The following NBAS variants were observed in gnomAD, a reference collection of about 807,000 sequenced individuals.
NBAS encodes the protein NBAS subunit of NRZ tethering complex, also known as NAG/BC035112 fusion.
A neutral mutation model predicts 302.5 loss-of-function variants in NBAS; 219 were observed. That is an observed-to-expected ratio of 0.72 (90% CI 0.65 to 0.81). The LOEUF is 0.81. NBAS is among the 30% of genes least tolerant of loss of function. The pLI, the probability that NBAS is intolerant of heterozygous loss-of-function variation, is 0.00. For missense variants in NBAS, 2,932 were observed against 2,841.6 expected, an observed-to-expected ratio of 1.03 and a Z score of -0.72; for synonymous variants, 1,118 against 1,021.6, an observed-to-expected ratio of 1.09 and a Z score of -1.80.
the NBAS span, among the ~76,000 whole-genome samples, chr2:14,903,834 C>G: frequency 6.6e-6 from 1 of 151,860 alleles, no homozygotes; most frequent in Non-Finnish European, 1.5e-5. Context: ...GCCTGTCCCC[C>G]CCATCCCCCT....
At chr2:14,869,265 T>C in the NBAS span, among the ~76,000 whole-genome samples, 2 of 152,162 alleles carry the variant, frequency 1.3e-5, no homozygotes, top group Admixed American at 6.5e-5. Context: ...CTCAGAAGTG[T>C]GAGAGTTTTA....
At chr2:15,147,359 T>C in the NBAS span, among the ~76,000 whole-genome samples, 1 of 152,066 alleles carries the variant, frequency 6.6e-6, no homozygotes, top group Non-Finnish European at 1.5e-5. Context: ...TTTGGGAGGC[T>C]GAAGCGGGTG....
the NBAS span, among the ~76,000 whole-genome samples, chr2:15,121,019 A>G: frequency 6.6e-6 from 1 of 152,054 alleles, no homozygotes; most frequent in Admixed American, 6.6e-5. Flanking sequence ...AAGAACATCT[A>G]TTTTTCACTC....
chr2:15,546,774 C>T (rs973847898), intron 6 of NBAS, among the ~76,000 whole-genome samples: 4 of 152,180 alleles, frequency 2.6e-5, no homozygotes, highest in Non-Finnish European at 5.9e-5. Context: ...ATAGTCTATC[C>T]TTCCCAACCT....
At chr2:15,101,394 G>T in the NBAS span, among the ~76,000 whole-genome samples, 1 of 151,652 alleles carries the variant, frequency 6.6e-6, no homozygotes, top group Non-Finnish European at 1.5e-5. Context: ...CTATTTTTGT[G>T]TATATTATAC....
chr2:15,103,976 C>T, the NBAS span, among the ~76,000 whole-genome samples: 7 of 152,126 alleles, frequency 4.6e-5, no homozygotes, highest in African/African-American at 1.4e-4. Context: ...GAAAATCAGA[C>T]TTTTGGACAG....
chr2:15,100,874 A>G, the NBAS span, among the ~76,000 whole-genome samples: 1 of 152,228 alleles, frequency 6.6e-6, no homozygotes, highest in South Asian at 2.1e-4. Flanking sequence ...AACGGAATTC[A>G]CTAGCAAGCT....
chr2:15,404,749 G>A (rs558700434), intron 25 of NBAS, among the ~76,000 whole-genome samples: 1 of 151,930 alleles, frequency 6.6e-6, no homozygotes, highest in South Asian at 2.1e-4. Flanking sequence ...TTGACCTAAG[G>A]TGATTCACCC....
chr2:15,452,386 G>C (rs1362717647), intron 21 of NBAS, among the ~76,000 whole-genome samples: 1 of 152,022 alleles, frequency 6.6e-6, no homozygotes, highest in East Asian at 1.9e-4. Context: ...TCAAGGTCAG[G>C]AGATCAAGAC....
intron 44 of NBAS, among the ~76,000 whole-genome samples, chr2:15,268,368 G>A (rs2148034672): frequency 6.6e-6 from 1 of 152,336 alleles, no homozygotes; most frequent in South Asian, 2.1e-4. Flanking sequence ...CTCTGAGAGT[G>A]ACTAGCCTGA....
the NBAS span, among the ~76,000 whole-genome samples, chr2:14,830,171 T>G: frequency 6.6e-6 from 1 of 152,230 alleles, no homozygotes; most frequent in Non-Finnish European, 1.5e-5. Flanking sequence ...ATTAAATAGC[T>G]TCTGTTATAC....
chr2:15,338,711 A>ACACACACG (rs1553375234), intron 35 of NBAS, among the ~76,000 whole-genome samples: 1 of 139,936 alleles, frequency 7.1e-6, no homozygotes, highest in Non-Finnish European at 1.6e-5. Context: ...ACACACACAC[A>ACACACACG]TCAAATTAGG....
chr2:15,453,500 TTCAC>T (rs1679113617), intron 21 of NBAS, among the ~76,000 whole-genome samples: 1 of 152,224 alleles, frequency 6.6e-6, no homozygotes, highest in Non-Finnish European at 1.5e-5. Flanking sequence ...CCTAAAATTG[TTCAC>T]TCAGTCACTT....
chr2:15,299,540 G>A (rs1670701013), intron 40 of NBAS, among the ~76,000 whole-genome samples: 1 of 152,022 alleles, frequency 6.6e-6, no homozygotes, highest in South Asian at 2.1e-4. Context: ...TTTCTACTTA[G>A]TATTTTCAAT....
At chr2:15,193,097 G>A (rs1452724990) in intron 48 of NBAS, among the ~76,000 whole-genome samples, 1 of 152,080 alleles carries the variant, frequency 6.6e-6, no homozygotes, top group Non-Finnish European at 1.5e-5. Context: ...TGTTTAAAAT[G>A]TATTTGATAA....
chr2:15,494,660 A>G (rs981690506), intron 11 of NBAS, among the ~76,000 whole-genome samples: 1 of 152,170 alleles, frequency 6.6e-6, no homozygotes, highest in South Asian at 2.1e-4. Context: ...CTCCATCCAC[A>G]TTATATAAAT....
chr2:14,935,530 T>C, the NBAS span, among the ~76,000 whole-genome samples: 1 of 152,216 alleles, frequency 6.6e-6, no homozygotes, highest in African/African-American at 2.4e-5. Context: ...TAGTTTTCCA[T>C]GTAAACGGTA....
At chr2:14,889,145 G>C in the NBAS span, among the ~76,000 whole-genome samples, 5 of 152,160 alleles carry the variant, frequency 3.3e-5, no homozygotes, top group Non-Finnish European at 7.4e-5. Context: ...TAAGACATTT[G>C]TGTGTCCTTC....
chr2:15,439,579 G>A (rs1281703789), intron 21 of NBAS, among the ~76,000 whole-genome samples: 1 of 152,172 alleles, frequency 6.6e-6, no homozygotes, highest in Non-Finnish European at 1.5e-5. Flanking sequence ...CGTGAGCGAT[G>A]CAGAAGATGC....
Sources: gnomAD v4.1 joint callset for allele counts (sites outside exome capture counted in the v4.1 genomes callset) on GRCh38, gnomAD v4.1.1 for gene constraint, MANE v1.5 for transcripts, NCBI Gene and HGNC (gene_info 2026-07-23, HGNC 2026-07-21) for gene names.